Variants in CEP350 observed in about 807,000 individuals in gnomAD.
CEP350 encodes centrosomal protein 350, also known as centrosome-associated protein 350.
Under a neutral mutation model 331.8 loss-of-function variants are expected in CEP350, and 126 were observed. The ratio of observed to expected loss-of-function variants is 0.38; its 90% CI spans 0.33 to 0.44. The LOEUF (loss-of-function observed/expected upper bound fraction) is 0.44. Ranked by LOEUF, CEP350 falls within the 20% of genes least tolerant of loss-of-function variation. CEP350 has a pLI of 1.00. For synonymous variants in CEP350, 1,200 were observed against 1,259.5 expected (o/e 0.95, Z 1.00); for missense variants, 3,406 against 3,634.6 (o/e 0.94, Z 1.62).
At chr1:180,047,522 C>T (rs771919505) in intron 21 of CEP350, among the ~76,000 whole-genome samples, 5 of 151,626 alleles carry the variant, frequency 3.3e-5, no homozygotes, top group African/African-American at 9.7e-5. Flanking sequence ...TTTGGGAGAC[C>T]GAGGCAGGTG....
At position 180,020,647 on chromosome 1, in the gene CEP350, C is replaced by T; in HGVS notation, c.2873C>T (p.Ser958Phe). 1 of 1,613,976 alleles carries T rather than the reference C, an allele frequency of 6.2e-7. No individual in the cohort carries two copies. Among genetic ancestry groups the T allele is most frequent in the Non-Finnish European group, 8.5e-7 (1 of 1,179,890 alleles). Residue 958 changes from serine (S) to phenylalanine (F), a missense_variant, in exon 12 of 38, where the codon TCT becomes TTT. Around this residue, in one of 5 missense-constraint regions of CEP350, gnomAD observed 1,857 missense variants for 1,909.2 expected, o/e 0.97. Coordinates refer to ENST00000367607, the MANE Select transcript of CEP350 (RefSeq NM_014810.5). Reference protein sequence around the residue: ...LAQLCKRQTDSSSSDMQACSQ... With the variant: ...LAQLCKRQTDFSSSDMQACSQ... ...CAGTTATGTAAAAGGCAGACTGACT[C>T]TTCTAGCTCTGATATGCAAGCCTGT...
intron 20 of CEP350, 21 bp from the exon 21 acceptor site, chr1:180,044,030 C>T (rs751581198): frequency 6.6e-7 from 1 of 1,505,760 alleles, no homozygotes; most frequent in South Asian, 1.3e-5. Flanking sequence ...AATGTTTAAT[C>T]AGTTTTTATT....
chr1:180,098,321 G>C (rs1159247444), intron 36 of CEP350, among the ~76,000 whole-genome samples: 1 of 105,982 alleles, frequency 9.4e-6, no homozygotes, highest in Non-Finnish European at 1.9e-5. Flanking sequence ...ATTAATCAGT[G>C]GGTTTTACTT....
chr1:180,023,674 T>C (rs954043943), intron 13 of CEP350, among the ~76,000 whole-genome samples: 4 of 152,234 alleles, frequency 2.6e-5, no homozygotes, highest in African/African-American at 7.2e-5. Flanking sequence ...ATTACTGTTA[T>C]CATTTCTGTT....
chr1:179,966,969 A>G (rs139427707), intron 1 of CEP350, among the ~76,000 whole-genome samples: 59 of 152,276 alleles, frequency 3.9e-4, no homozygotes, highest in African/African-American at 1.4e-3. Context: ...CCCACTTCTG[A>G]CACCATCTAT....
At chr1:180,044,377 G>T (rs984895941) in intron 21 of CEP350, among the ~76,000 whole-genome samples, 10 of 152,126 alleles carry the variant, frequency 6.6e-5, no homozygotes, top group African/African-American at 2.4e-4. Flanking sequence ...AACCTACATT[G>T]TACAAGCATT....
intron 27 of CEP350, among the ~76,000 whole-genome samples, chr1:180,065,592 G>A (rs1658499849): frequency 6.6e-6 from 1 of 151,838 alleles, no homozygotes; most frequent in Admixed American, 6.6e-5. Context: ...GACCAGCCTG[G>A]GCAACGTAGT....
chr1:180,038,273 ATTTG>A (rs1337868221), intron 17 of CEP350, among the ~76,000 whole-genome samples: 32 of 152,216 alleles, frequency 2.1e-4, no homozygotes, highest in South Asian at 2.1e-4. Flanking sequence ...TAATATCACA[ATTTG>A]TTTATCAGTT....
rs373138710 is a variant in CEP350, at chr1:180,095,724, G to A, written c.8713G>A (p.Val2905Ile). 6.2e-7 allele frequency: 1 copy of A among 1,613,964 alleles called. No individual in the cohort carries two copies. The highest frequency in any genetic ancestry group is 1.3e-5 in the African/African-American group (1 of 75,044). Residue 2905 changes from valine (V) to isoleucine (I), a missense_variant, in exon 35 of 38, where the codon GTA becomes ATA. Physicochemically the swap from Val to Ile is conservative, Grantham distance 29 (BLOSUM62 3). Around this residue, in one of 5 missense-constraint regions of CEP350, gnomAD observed 1,415 missense variants for 1,512.3 expected, o/e 0.94. Coordinates refer to ENST00000367607, the MANE Select transcript of CEP350 (RefSeq NM_014810.5). ...ACCTCTAATGGCAGAACCTAAAAGAGTAACCCAACAACCATGTGAAACATT... is the reference window on the plus strand; with the variant it reads ...ACCTCTAATGGCAGAACCTAAAAGAATAACCCAACAACCATGTGAAACATT... ...IVPLMAEPKR[V>I]TQQPCETLLA... is the part of the protein sequence containing the mutation.
intron 27 of CEP350, among the ~76,000 whole-genome samples, chr1:180,068,260 A>G (rs1212619591): frequency 6.6e-6 from 1 of 152,170 alleles, no homozygotes; most frequent in African/African-American, 2.4e-5. Flanking sequence ...ATTAAAAACC[A>G]TATGTTATAT....
chr1:180,077,671 TAAAAAAAAAA>T (rs3067269), intron 28 of CEP350, among the ~76,000 whole-genome samples: 1 of 97,228 alleles, frequency 1.0e-5, no homozygotes, highest in Non-Finnish European at 1.8e-5. Context: ...TCTCAAAAAG[TAAAAAAAAAA>T]AAAAAAAAAA....
chr1:180,015,584 T>C (rs1300741864), intron 10 of CEP350, among the ~76,000 whole-genome samples: 1 of 152,190 alleles, frequency 6.6e-6, no homozygotes, highest in African/African-American at 2.4e-5. Flanking sequence ...TTGCCCACAC[T>C]GGTCTTGAAC....
chr1:180,058,112 T>C (rs1193821583), intron 25 of CEP350, among the ~76,000 whole-genome samples: 1 of 152,206 alleles, frequency 6.6e-6, no homozygotes, highest in African/African-American at 2.4e-5. Context: ...AGCAGTTCTG[T>C]CTTGGTATAT....
At chr1:179,984,619 C>G (rs1050501750) in intron 1 of CEP350, among the ~76,000 whole-genome samples, 3 of 152,156 alleles carry the variant, frequency 2.0e-5, no homozygotes, top group Non-Finnish European at 4.4e-5. Context: ...AAATAAGTCT[C>G]TAAGTCCCAC....
chr1:180,018,608 A>T (rs1300000119), intron 11 of CEP350, among the ~76,000 whole-genome samples: 1 of 151,998 alleles, frequency 6.6e-6, no homozygotes, highest in African/African-American at 2.4e-5. Flanking sequence ...ACTTATTATT[A>T]CCCTGGTTAC....
intron 15 of CEP350, 117 bp from the exon 16 acceptor site, chr1:180,033,745 C>T (rs1656175734): frequency 9.7e-7 from 1 of 1,031,990 alleles, no homozygotes; most frequent in East Asian, 2.6e-5. Flanking sequence ...ATGCCTAAAT[C>T]ACAACTTTTT....
At chr1:179,988,461 T>G (rs1232348110) in intron 3 of CEP350, among the ~76,000 whole-genome samples, 4 of 152,204 alleles carry the variant, frequency 2.6e-5, no homozygotes, top group Non-Finnish European at 4.4e-5. Flanking sequence ...GTGGTCTGAT[T>G]GCTCTAGCTG....
chr1:179,997,971 A>G (rs1034349279), intron 6 of CEP350, among the ~76,000 whole-genome samples: 2 of 151,550 alleles, frequency 1.3e-5, no homozygotes, highest in Non-Finnish European at 2.9e-5. Context: ...CATTTATGCC[A>G]ACATTGGTAG....
chr1:180,084,319 A>T (rs1033223634), intron 31 of CEP350, 141 bp downstream of exon 31: 2 of 664,006 alleles, frequency 3.0e-6, no homozygotes, highest in African/African-American at 3.8e-5. Context: ...CTTAAAAAAA[A>T]TCTGAGGGTA....
Sources: allele counts gnomAD v4.1 joint callset (sites outside exome capture counted in the v4.1 genomes callset), GRCh38; gene constraint gnomAD v4.1.1; regional missense constraint gnomAD v4.1.1; transcripts MANE v1.5; gene names NCBI Gene and HGNC (gene_info 2026-07-23, HGNC 2026-07-21).